Variants in MCMDC2 observed in about 807,000 individuals in gnomAD.
MCMDC2 encodes minichromosome maintenance domain-containing protein 2.
In MCMDC2, 54 loss-of-function variants were observed where a neutral mutation model predicts 75.8. The ratio of observed to expected loss-of-function variants is 0.71; its 90% CI spans 0.57 to 0.89. The LOEUF (loss-of-function observed/expected upper bound fraction) is 0.89, where lower values mean the gene tolerates loss of function less well. MCMDC2 is among the 40% of genes least tolerant of loss of function. MCMDC2 has a pLI of 0.00. For missense variants in MCMDC2, 656 were observed against 780.4 expected, an observed-to-expected ratio of 0.84 and a Z score of 1.90; for synonymous variants, 249 against 274.6, an observed-to-expected ratio of 0.91 and a Z score of 0.92.
chr8:66,916,641 G>A (rs1813335108), intron 14 of MCMDC2, among the ~76,000 whole-genome samples: 1 of 152,160 alleles, frequency 6.6e-6, no homozygotes, highest in African/African-American at 2.4e-5. Flanking sequence ...AAGGAGTGGA[G>A]GGACTGGCTA....
intron 9 of MCMDC2, among the ~76,000 whole-genome samples, chr8:66,887,694 C>T (rs987076895): frequency 6.6e-6 from 1 of 152,182 alleles, no homozygotes; most frequent in Admixed American, 6.5e-5. Flanking sequence ...TCTCAAACTT[C>T]CAGGCTCAAG....
chr8:66,917,298 G>C (rs1428435963), intron 14 of MCMDC2, among the ~76,000 whole-genome samples: 2 of 152,152 alleles, frequency 1.3e-5, no homozygotes, highest in Non-Finnish European at 2.9e-5. Context: ...GGCACTGCTT[G>C]GCACAGTTGC....
intron 12 of MCMDC2, among the ~76,000 whole-genome samples, chr8:66,899,528 G>A (rs1458683676): frequency 1.3e-5 from 2 of 151,770 alleles, no homozygotes; most frequent in African/African-American, 2.4e-5. Flanking sequence ...TTCTTCTCTC[G>A]CTCTGTTACC....
chr8:66,901,179 T>C, intron 12 of MCMDC2, 27 bp from the exon 13 acceptor site: 1 of 1,545,352 alleles, frequency 6.5e-7, no homozygotes, highest in Non-Finnish European at 8.9e-7. Context: ...TAAAGCTTGA[T>C]TATCTTGGAT....
chr8:66,877,338 GTTC>G lies in MCMDC2; in HGVS notation c.286-8_286-6del. On this transcript the variant is annotated splice_polypyrimidine_tract_variant and splice_region_variant and intron_variant, in intron 4 of 14. Transcript: ENST00000422365. ...CAATTTTCATTAATACCATTTTTATGTTCTTATTAGATTAATATAGTGCTGAAA... is the reference window on the plus strand; with the variant it reads ...CAATTTTCATTAATACCATTTTTATGTTATTAGATTAATATAGTGCTGAAA... The G allele has an allele frequency of 6.4e-7, 1 of 1,554,724 alleles. No homozygotes were observed. The highest frequency in any genetic ancestry group is 8.8e-7 in the Non-Finnish European group (1 of 1,140,338).
At chr8:66,924,264 C>T (rs1439628993), downstream of MCMDC2, among the ~76,000 whole-genome samples, 1 of 151,290 alleles carries the variant, frequency 6.6e-6, no homozygotes, top group Non-Finnish European at 1.5e-5. Flanking sequence ...TTATTTCAGA[C>T]GAAGCAATGC....
chr8:66,899,695 A>C (rs1366910246), intron 12 of MCMDC2, among the ~76,000 whole-genome samples: 3 of 151,774 alleles, frequency 2.0e-5, no homozygotes, highest in Non-Finnish European at 4.4e-5. Context: ...ACAGGGTTTC[A>C]CCATGTTGGC....
intron 14 of MCMDC2, among the ~76,000 whole-genome samples, chr8:66,911,243 A>T (rs1411768710): frequency 6.6e-6 from 1 of 152,084 alleles, no homozygotes; most frequent in East Asian, 1.9e-4. Context: ...CATGGGGGTG[A>T]TGTTCTTGTG....
chr8:66,910,948 C>T (rs1387780659), intron 14 of MCMDC2, among the ~76,000 whole-genome samples: 1 of 152,184 alleles, frequency 6.6e-6, no homozygotes, highest in Non-Finnish European at 1.5e-5. Context: ...TAGGAAGTAA[C>T]TAACTTGCTT....
chr8:66,915,976 A>G (rs539901686), intron 14 of MCMDC2, among the ~76,000 whole-genome samples: 1 of 152,318 alleles, frequency 6.6e-6, no homozygotes, highest in Non-Finnish European at 1.5e-5. Context: ...GAGTTTGAGT[A>G]AGATTCAGTT....
chr8:66,888,826 C>CA (rs1317497734), intron 9 of MCMDC2, among the ~76,000 whole-genome samples: 11 of 152,154 alleles, frequency 7.2e-5, no homozygotes, highest in African/African-American at 2.4e-4. Context: ...GCCTAGCTGC[C>CA]TATTAGAATC....
chr8:66,876,146 T>C (rs1811273673), intron 4 of MCMDC2, among the ~76,000 whole-genome samples: 1 of 152,228 alleles, frequency 6.6e-6, no homozygotes, highest in South Asian at 2.1e-4. Flanking sequence ...TTAGCAGCCA[T>C]TGATGTTCAT....
At position 66,921,336 on chromosome 8, in the gene MCMDC2, A is replaced by G. The variant is rs948090853; in HGVS notation, c.*2167A>G. On this transcript the variant is annotated 3_prime_UTR_variant, in exon 15 of 15. Transcript: ENST00000422365. ...GCACAAAAAGCTCAGACTCCAAACT[A>G]CTTCATATACCTATGCAACAGAACT... The G allele has an allele frequency of 4.6e-5, 7 of 152,202 alleles. No individual in the cohort carries two copies. Among genetic ancestry groups the G allele is most frequent in the African/African-American group, 1.7e-4 (7 of 41,446 alleles). 9.4% of individuals were successfully genotyped at this position (152,202 alleles called of 1,614,324 possible).
At chr8:66,872,530 C>A (rs1811071207) in intron 1 of MCMDC2, among the ~76,000 whole-genome samples, 1 of 152,104 alleles carries the variant, frequency 6.6e-6, no homozygotes, top group Admixed American at 6.6e-5. Context: ...CTTAAATTGC[C>A]ATGTAACTGT....
chr8:66,878,827 T>C lies in MCMDC2; in HGVS notation c.617T>C (p.Val206Ala). Reference protein sequence around the residue: ...KFRVLGDKQIVEIIATKALRA... With the variant: ...KFRVLGDKQIAEIIATKALRA... ...TCTTTGCTTTAAGATAAACAAATAG[T>C]TGAAATAATTGCCACAAAGGCACTT... The change falls in exon 7 of 15, where the codon GTT becomes GCT. Residue 206 changes from valine (V) to alanine (A), a missense_variant. Physicochemically the swap from Val to Ala is moderately conservative, Grantham distance 64 (BLOSUM62 0). Transcript: ENST00000422365. The C allele has an allele frequency of 6.2e-7, 1 of 1,602,486 alleles. No individual in the cohort carries two copies. Among genetic ancestry groups the C allele is most frequent in the Non-Finnish European group, 8.5e-7 (1 of 1,175,256 alleles).
At chr8:66,901,039 CTG>C (rs760188783) in intron 12 of MCMDC2, among the ~76,000 whole-genome samples, 165 bp from the exon 13 acceptor site, 6 of 152,178 alleles carry the variant, frequency 3.9e-5, no homozygotes, top group East Asian at 1.9e-4. Flanking sequence ...AAGTATAACA[CTG>C]TGATTTAAAG....
chr8:66,876,757 ATGGAGTCTCACTCTGTCACCCAGGC>A (rs200077635), intron 4 of MCMDC2, among the ~76,000 whole-genome samples: 4,043 of 151,212 alleles, frequency 0.027, 69 homozygotes, highest in Admixed American at 0.044. Context: ...TTATTTTGAG[ATGGAGTCTCACTCTGTCACCCAGGC>A]TGGAGTCTCA....
chr8:66,919,130 A>G lies in MCMDC2; in HGVS notation c.2007A>G (p.Thr669=). The change falls in exon 15 of 15, where the codon ACA becomes ACG. Residue 669 remains threonine, a synonymous_variant. Transcript: ENST00000422365. ...AACAGCTGGAACAATTTATTGCCACATATGGACCTGGGACAACTATTTTCT... is the reference window on the plus strand; with the variant it reads ...AACAGCTGGAACAATTTATTGCCACGTATGGACCTGGGACAACTATTTTCT... ...CQQQLEQFIA[T]YGPGTTIFSS... is the part of the protein sequence containing the mutation. The G allele has an allele frequency of 6.5e-7, 1 of 1,550,308 alleles. No individual in the cohort carries two copies. The highest frequency in any genetic ancestry group is 8.7e-7 in the Non-Finnish European group (1 of 1,146,458).
chr8:66,888,712 T>C (rs991321380), intron 9 of MCMDC2, among the ~76,000 whole-genome samples: 1 of 152,230 alleles, frequency 6.6e-6, no homozygotes, highest in Non-Finnish European at 1.5e-5. Context: ...ATTTTGACTT[T>C]GTATTCTGTG....
Sources: gnomAD v4.1 joint callset for allele counts (sites outside exome capture counted in the v4.1 genomes callset) on GRCh38, gnomAD v4.1.1 for gene constraint, MANE v1.5 for transcripts, NCBI Gene and HGNC (gene_info 2026-07-23, HGNC 2026-07-21) for gene names.